TCTN3: variants seen among roughly 807,000 people sequenced by gnomAD.
TCTN3 encodes the protein tectonic family member 3.
In TCTN3, 57 loss-of-function variants were observed where a neutral mutation model predicts 71.3. The observed-to-expected ratio is 0.80, with a 90% CI of 0.65 to 1.00. TCTN3 has a LOEUF of 1.00. Among genes scored for constraint, TCTN3 ranks in the 50% least tolerant of loss-of-function variants. The pLI, the probability that TCTN3 is intolerant of heterozygous loss-of-function variation, is 0.00. For missense variants in TCTN3, 696 were observed against 719.9 expected (o/e 0.97, Z 0.38); for synonymous variants, 258 against 267.8 (o/e 0.96, Z 0.36).
At chr10:95,689,435 C>T (rs1457711907) in intron 3 of TCTN3, among the ~76,000 whole-genome samples, 1 of 152,156 alleles carries the variant, frequency 6.6e-6, no homozygotes, top group African/African-American at 2.4e-5. Flanking sequence ...GCTATTTAAA[C>T]ATTTCCTTCG....
intron 13 of TCTN3, among the ~76,000 whole-genome samples, chr10:95,666,637 T>A (rs1198611747): frequency 2.0e-5 from 3 of 152,184 alleles, no homozygotes; most frequent in African/African-American, 7.2e-5. Context: ...TGGTGACCTA[T>A]ACTGGCTGAA....
In TCTN3 at chr10:95,683,131, C is replaced by T. The variant is rs535199429; in HGVS notation, c.1268G>A (p.Gly423Glu). ...CSVKRHEVQF[G>E]VNAISGCKLR... ...CTTGCATCCAGATATTGCATTCACT[C>T]CAAACTGCACTTCATGTCTTTTAAC... The change falls in exon 11 of 14, where the codon GGA (glycine) becomes GAA (glutamate). Residue 423 changes from glycine to glutamate, a missense_variant. Coordinates refer to ENST00000371217, the MANE Select transcript of TCTN3 (RefSeq NM_015631.6). The T allele has an allele frequency of 1.2e-5, 19 of 1,614,086 alleles. No individual in the cohort carries two copies. The East Asian group carries it at 4.0e-4, about 34-fold the overall frequency.
At chr10:95,682,907 A>C in intron 11 of TCTN3, 103 bp from the exon 12 acceptor site, 1 of 1,439,856 alleles carries the variant, frequency 6.9e-7, no homozygotes, top group Non-Finnish European at 9.4e-7. Context: ...TATAAAATAG[A>C]CCAGAGGGTA....
At chr10:95,680,333 T>C (rs1415720405) in intron 13 of TCTN3, 139 bp downstream of exon 13, 9 of 1,056,058 alleles carry the variant, frequency 8.5e-6, no homozygotes, top group Non-Finnish European at 1.2e-5. Flanking sequence ...TGACAAATTA[T>C]GTCAGCTCAC....
chr10:95,687,753 T>C lies in TCTN3; in HGVS notation c.500-34A>G. The C allele has an allele frequency of 3.8e-6, 6 of 1,589,350 alleles. No individual in the cohort carries two copies. The South Asian group carries it at 4.6e-5, about 12-fold the overall frequency. ...TTTTTTAAAAGAAAAAGCGTTTAGA[T>C]AAAAGAAAAACATGCCAAGTAACTA... On this transcript the variant is annotated intron_variant, in intron 3 of 13. Coordinates refer to ENST00000371217, the MANE Select transcript of TCTN3 (RefSeq NM_015631.6).
intron 13 of TCTN3, among the ~76,000 whole-genome samples, chr10:95,666,633 C>T (rs1271719941): frequency 6.6e-6 from 1 of 152,132 alleles, no homozygotes; most frequent in Non-Finnish European, 1.5e-5. Context: ...TGCCTGGTGA[C>T]CTATACTGGC....
intron 12 of TCTN3, among the ~76,000 whole-genome samples, chr10:95,682,431 T>C (rs928956387): frequency 1.3e-5 from 2 of 151,252 alleles, no homozygotes; most frequent in Non-Finnish European, 2.9e-5. Context: ...GGGGTGGAGG[T>C]TGCAGTGAAC....
At position 95,664,133 on chromosome 10, in the gene TCTN3, G is replaced by A. The variant is rs2097923917; in HGVS notation, c.1758C>T (p.Cys586=). 3.1e-6 allele frequency: 5 copies of A among 1,614,194 alleles called. No individual in the cohort carries two copies. The highest frequency in any genetic ancestry group is 1.7e-5 in the Admixed American group (1 of 60,020). Residue 586 remains cysteine, a synonymous_variant, in exon 14 of 14, where the codon TGC becomes TGT. Transcript: ENST00000371217. ...ACAGGATAAGGATGGGAGAGACTGAGCATTTTTGAGAGAATACTCCTCTGC... is the reference window on the plus strand; with the variant it reads ...ACAGGATAAGGATGGGAGAGACTGAACATTTTTGAGAGAATACTCCTCTGC... ...AFSRGVFSQK[C]SVSPILILCL...
At position 95,664,186 on chromosome 10, in the gene TCTN3, C is replaced by T. The variant is rs780308423; in HGVS notation, c.1705G>A (p.Asp569Asn). 1.1e-4 allele frequency: 170 copies of T among 1,614,028 alleles called. No homozygotes were observed. The highest frequency in any genetic ancestry group is 1.3e-4 in the Non-Finnish European group (154 of 1,180,034). ...AATGCCACTTTGAAGGGAAAGAAGT[C>T]GAATGGCCATTTCCAGTCCATTTTG... is the stretch of plus-strand genomic sequence containing the variant. ...QPKMDWKWPF[D>N]FFPFKVAFSR... Residue 569 changes from aspartate to asparagine, a missense_variant, in exon 14 of 14, where the codon GAC (aspartate) becomes AAC (asparagine). Asp to Asn is a conservative substitution (Grantham distance 23). Coordinates refer to ENST00000371217, the MANE Select transcript of TCTN3 (RefSeq NM_015631.6).
At chr10:95,688,795 C>T (rs1291775966) in intron 3 of TCTN3, among the ~76,000 whole-genome samples, 3 of 152,166 alleles carry the variant, frequency 2.0e-5, no homozygotes, top group Non-Finnish European at 4.4e-5. Flanking sequence ...CTTTATGGCA[C>T]TTCAGAACCA....
At chr10:95,673,170 A>G (rs2097933446) in intron 13 of TCTN3, among the ~76,000 whole-genome samples, 1 of 152,148 alleles carries the variant, frequency 6.6e-6, no homozygotes, top group South Asian at 2.1e-4. Flanking sequence ...TGGTGAGCAG[A>G]GATTTTTAAT....
chr10:95,678,998 TCAAA>T (rs2097940176), intron 13 of TCTN3, among the ~76,000 whole-genome samples: 1 of 152,234 alleles, frequency 6.6e-6, no homozygotes, highest in South Asian at 2.1e-4. Flanking sequence ...ATTAATACAT[TCAAA>T]CAATTAATTT....
intron 6 of TCTN3, among the ~76,000 whole-genome samples, 174 bp downstream of exon 6, chr10:95,686,870 T>C (rs2097948785): frequency 6.6e-6 from 1 of 152,180 alleles, no homozygotes; most frequent in South Asian, 2.1e-4. Context: ...CCTGCATATA[T>C]ATCCCCAATT....
intron 13 of TCTN3, among the ~76,000 whole-genome samples, chr10:95,673,802 T>C (rs953167849): frequency 1.3e-5 from 2 of 152,184 alleles, no homozygotes; most frequent in African/African-American, 4.8e-5. Context: ...ATGGCACCAC[T>C]TCACTCCAGC....
chr10:95,671,312 A>T (rs931615862), intron 13 of TCTN3, among the ~76,000 whole-genome samples: 8 of 152,204 alleles, frequency 5.3e-5, no homozygotes, highest in Non-Finnish European at 2.9e-5. Context: ...TACTTAAGAA[A>T]TTACCACCAG....
At chr10:95,674,258 T>G (rs953183750) in intron 13 of TCTN3, among the ~76,000 whole-genome samples, 1 of 152,210 alleles carries the variant, frequency 6.6e-6, no homozygotes, top group Non-Finnish European at 1.5e-5. Context: ...ATCTTTTTGC[T>G]AAATTGTTCC....
chr10:95,677,284 T>G (rs1339148960), intron 13 of TCTN3, among the ~76,000 whole-genome samples: 1 of 152,138 alleles, frequency 6.6e-6, no homozygotes, highest in Admixed American at 6.6e-5. Flanking sequence ...TTTAGAACCC[T>G]AAATAGTATA....
At chr10:95,686,456 A>C in intron 7 of TCTN3, 39 bp downstream of exon 7, 4 of 1,611,324 alleles carry the variant, frequency 2.5e-6, no homozygotes, top group Non-Finnish European at 3.4e-6. Context: ...GAGGAGCCAA[A>C]TATTCTTTTT....
At chr10:95,670,749 A>T (rs2097930307) in intron 13 of TCTN3, among the ~76,000 whole-genome samples, 1 of 151,792 alleles carries the variant, frequency 6.6e-6, no homozygotes, top group African/African-American at 2.4e-5. Context: ...TGCACCCTCG[A>T]CCTCTTAGAA....
Sources: allele counts gnomAD v4.1 joint callset (sites outside exome capture counted in the v4.1 genomes callset), GRCh38; gene constraint gnomAD v4.1.1; transcripts MANE v1.5; gene names NCBI Gene and HGNC (gene_info 2026-07-23, HGNC 2026-07-21).